The following NTM variants were observed in gnomAD, a reference collection of about 807,000 sequenced individuals.
The protein encoded by NTM is IgLON family member 2.
In NTM, 13 loss-of-function variants were observed where a neutral mutation model predicts 42.1. The ratio of observed to expected loss-of-function variants is 0.31; its 90% CI spans 0.20 to 0.49. The LOEUF (loss-of-function observed/expected upper bound fraction) is 0.49, where lower values mean the gene tolerates loss of function less well. Ranked by LOEUF, NTM falls within the 20% of genes least tolerant of loss-of-function variation. The probability of loss-of-function intolerance (pLI) is 0.99; values close to 1 mark genes in which losing one functional copy is unlikely to be tolerated. For synonymous variants in NTM, 187 were observed against 179.2 expected (o/e 1.04, Z -0.35); for missense variants, 373 against 452.8 (o/e 0.82, Z 1.60).
At chr11:132,305,783 A>G (rs2095056100) in intron 4 of NTM, among the ~76,000 whole-genome samples, 1 of 152,256 alleles carries the variant, frequency 6.6e-6, no homozygotes, top group African/African-American at 2.4e-5. Flanking sequence ...AACAATATTC[A>G]TAAAGGCTAC....
intron 1 of NTM, among the ~76,000 whole-genome samples, chr11:131,798,924 C>T (rs1156654993): frequency 1.3e-5 from 2 of 152,128 alleles, no homozygotes; most frequent in African/African-American, 4.8e-5. Context: ...CGCTATGGTC[C>T]ATGACAGGAG....
intron 2 of NTM, among the ~76,000 whole-genome samples, chr11:131,915,492 C>G (rs1289566248): frequency 1.3e-5 from 2 of 152,138 alleles, no homozygotes; most frequent in African/African-American, 4.8e-5. Context: ...AACGATATCC[C>G]CCAGCTATAT....
chr11:131,483,563 A>AG (rs1299651777), intron 1 of NTM, among the ~76,000 whole-genome samples: 1 of 152,348 alleles, frequency 6.6e-6, no homozygotes, highest in East Asian at 1.9e-4. Flanking sequence ...TCTTAAGGAG[A>AG]GGCGGGAATT....
At chr11:132,221,005 C>T (rs187827977) in intron 4 of NTM, among the ~76,000 whole-genome samples, 8 of 152,294 alleles carry the variant, frequency 5.3e-5, no homozygotes, top group African/African-American at 1.4e-4. Flanking sequence ...CCTCGAGTCA[C>T]ACCGCTGTAG....
chr11:131,809,371 G>A (rs1371241696), intron 1 of NTM, among the ~76,000 whole-genome samples: 1 of 152,158 alleles, frequency 6.6e-6, no homozygotes, highest in Non-Finnish European at 1.5e-5. Context: ...AAGTCATAGA[G>A]CTGCTGCTCT....
At chr11:131,879,018 C>A (rs925069863) in intron 1 of NTM, among the ~76,000 whole-genome samples, 1 of 152,142 alleles carries the variant, frequency 6.6e-6, no homozygotes, top group Non-Finnish European at 1.5e-5. Context: ...ACTCACTCAG[C>A]TTTTGTCATC....
At chr11:132,321,496 C>G (rs1413008226) in intron 7 of NTM, among the ~76,000 whole-genome samples, 2 of 152,092 alleles carry the variant, frequency 1.3e-5, no homozygotes, top group African/African-American at 4.8e-5. Context: ...TAAAAAGAAA[C>G]CAGCAAAGCC....
chr11:132,290,191 A>G (rs2094407677), intron 4 of NTM, among the ~76,000 whole-genome samples: 1 of 152,274 alleles, frequency 6.6e-6, no homozygotes. Context: ...ACCCCATAAT[A>G]ACTTGGACTG....
At chr11:132,092,468 C>T (rs190168450) in intron 2 of NTM, among the ~76,000 whole-genome samples, 2 of 152,306 alleles carry the variant, frequency 1.3e-5, no homozygotes, top group East Asian at 3.9e-4. Flanking sequence ...TATCTCCTTG[C>T]TTCTGCAAAC....
Position 131,748,747 on chromosome 11 carries a change from C to A in NTM, c.83-162817C>A, listed in dbSNP as rs557499608. On this transcript the variant is annotated intron_variant, in intron 1 of 8. Coordinates refer to ENST00000683400, the MANE Select transcript of NTM (RefSeq NM_001352005.2). ...AATCCGATGTGCTTTTTCAGAATGG[C>A]TCTCCTCTGCAAAACAGATGGGAGG... is the stretch of plus-strand genomic sequence containing the variant. 6.0e-4 allele frequency among the ~76,000 whole-genome samples: 92 copies of A among 152,336 alleles called. No homozygotes were observed. In the Middle Eastern group the frequency reaches 0.014, roughly 23 times the overall value.
intron 1 of NTM, among the ~76,000 whole-genome samples, chr11:131,801,479 G>A (rs532898433): frequency 3.7e-4 from 57 of 152,252 alleles, no homozygotes; most frequent in African/African-American, 1.3e-3. Context: ...GTTGTGTTCC[G>A]CTCAGCTTGG....
At chr11:132,049,912 G>C (rs548061151) in intron 2 of NTM, among the ~76,000 whole-genome samples, 1 of 152,126 alleles carries the variant, frequency 6.6e-6, no homozygotes, top group African/African-American at 2.4e-5. Flanking sequence ...TTTGCTGGGT[G>C]GGGGGCCCTT....
intron 1 of NTM, among the ~76,000 whole-genome samples, chr11:131,682,408 C>G (rs1170458639): frequency 2.6e-5 from 4 of 152,198 alleles, no homozygotes; most frequent in African/African-American, 9.6e-5. Flanking sequence ...TCAGAAGAGC[C>G]TTCACCTGCT....
intron 2 of NTM, among the ~76,000 whole-genome samples, chr11:132,025,046 G>T (rs1225985294): frequency 3.3e-5 from 5 of 152,210 alleles, no homozygotes; most frequent in Admixed American, 2.0e-4. Flanking sequence ...TCCTGTGTCT[G>T]AATTCCTTCC....
At chr11:131,920,002 C>T (rs893995980) in intron 2 of NTM, among the ~76,000 whole-genome samples, 1 of 151,930 alleles carries the variant, frequency 6.6e-6, no homozygotes, top group South Asian at 2.1e-4. Context: ...TGAGAGGGAG[C>T]GAGAAGAAAG....
At chr11:131,785,933 T>A (rs1451927478) in intron 1 of NTM, among the ~76,000 whole-genome samples, 1 of 152,180 alleles carries the variant, frequency 6.6e-6, no homozygotes, top group East Asian at 1.9e-4. Context: ...GTACCTGTAG[T>A]GCAGGCGTTC....
chr11:131,794,572 C>T (rs979065822), intron 1 of NTM: 8 of 985,116 alleles, frequency 8.1e-6, no homozygotes, highest in African/African-American at 3.5e-5. Flanking sequence ...TCTACAAGTG[C>T]TTGAATAAGA....
chr11:131,424,600 CTTTT>C (rs769740331), intron 1 of NTM, among the ~76,000 whole-genome samples: 6 of 56,038 alleles, frequency 1.1e-4, no homozygotes, highest in South Asian at 7.3e-4. Flanking sequence ...CTTTTCTTTT[CTTTT>C]TTTTTTTTTT....
intron 3 of NTM, among the ~76,000 whole-genome samples, chr11:132,203,060 G>A (rs183677957): frequency 5.9e-5 from 9 of 152,248 alleles, no homozygotes; most frequent in Non-Finnish European, 1.3e-4. Flanking sequence ...TGACCCTTCC[G>A]TTCTTGAAAA....
Sources: allele counts gnomAD v4.1 joint callset (sites outside exome capture counted in the v4.1 genomes callset), GRCh38; gene constraint gnomAD v4.1.1; transcripts MANE v1.5; gene names NCBI Gene and HGNC (gene_info 2026-07-23, HGNC 2026-07-21).